The following CDC42SE2 variants were observed in gnomAD, a reference collection of about 807,000 sequenced individuals.
CDC42SE2 encodes CDC42 small effector 2, also known as CDC42 small effector protein 2.
Under a neutral mutation model 11.5 loss-of-function variants are expected in CDC42SE2, and 3 were observed. The observed-to-expected ratio is 0.26, with a 90% CI of 0.12 to 0.67. CDC42SE2 has a LOEUF of 0.67. Among genes scored for constraint, CDC42SE2 ranks in the 30% least tolerant of loss-of-function variants. The pLI, the probability that CDC42SE2 is intolerant of heterozygous loss-of-function variation, is 0.80. For missense variants in CDC42SE2, 82 were observed against 106.8 expected, an observed-to-expected ratio of 0.77 and a Z score of 1.02; for synonymous variants, 33 against 34.8, an observed-to-expected ratio of 0.95 and a Z score of 0.18.
At chr5:131,302,839 A>C (rs532330407) in intron 1 of CDC42SE2, among the ~76,000 whole-genome samples, 1 of 149,970 alleles carries the variant, frequency 6.7e-6, no homozygotes, top group South Asian at 2.1e-4. Context: ...TTTTTTTTTA[A>C]GACAAGCAGA....
intron 1 of CDC42SE2, among the ~76,000 whole-genome samples, chr5:131,270,219 C>G (rs924857996): frequency 6.6e-6 from 1 of 150,910 alleles, no homozygotes; most frequent in Non-Finnish European, 1.5e-5. Context: ...CTAAAAGATA[C>G]AAAAAATTAT....
At chr5:131,273,711 T>G (rs1440628480) in intron 1 of CDC42SE2, among the ~76,000 whole-genome samples, 24 of 149,686 alleles carry the variant, frequency 1.6e-4, no homozygotes, top group Admixed American at 1.6e-3. Context: ...AGGCGGAGCT[T>G]GCAGTGAGCC....
chr5:131,379,878 G>T (rs1170669362), intron 3 of CDC42SE2, among the ~76,000 whole-genome samples: 2 of 152,006 alleles, frequency 1.3e-5, no homozygotes, highest in African/African-American at 4.8e-5. Context: ...CTTTGCGGAG[G>T]TCTGACTCTG....
At chr5:131,327,715 G>A (rs545280822) in intron 2 of CDC42SE2, among the ~76,000 whole-genome samples, 9 of 152,124 alleles carry the variant, frequency 5.9e-5, no homozygotes, top group South Asian at 2.1e-4. Flanking sequence ...GGCTACTTAC[G>A]GATTTTATTC....
At chr5:131,360,710 T>C (rs934964520) in intron 3 of CDC42SE2, among the ~76,000 whole-genome samples, 10 of 152,156 alleles carry the variant, frequency 6.6e-5, no homozygotes, top group Admixed American at 5.9e-4. Context: ...AACAAATGAA[T>C]TGATATTTTA....
rs183358208 is a variant in CDC42SE2, at chr5:131,318,547, C to T, written c.-286+2403C>T. ...AACATAGTTATTGAATTCCTGGCAG[C>T]TATCTTTTGACCATGAAAGGAAATT... On this transcript the variant is annotated intron_variant, in intron 2 of 4. Transcript: ENST00000505065. Among the ~76,000 whole-genome samples, 8 of 152,238 alleles carry T rather than the reference C, an allele frequency of 5.3e-5. 1 individual carries two copies. Among genetic ancestry groups the T allele is most frequent in the Admixed American group, 5.2e-4 (8 of 15,290 alleles).
At chr5:131,347,775 G>A (rs1024802292) in intron 2 of CDC42SE2, among the ~76,000 whole-genome samples, 3 of 152,140 alleles carry the variant, frequency 2.0e-5, no homozygotes, top group Non-Finnish European at 4.4e-5. Flanking sequence ...ACCAAATCCA[G>A]CAGCACCTCA....
At chr5:131,230,576 C>A in the CDC42SE2 span, among the ~76,000 whole-genome samples, 1 of 152,180 alleles carries the variant, frequency 6.6e-6, no homozygotes, top group Non-Finnish European at 1.5e-5. Context: ...CCCTTTGCCA[C>A]CTTTTAAATC....
intron 1 of CDC42SE2, among the ~76,000 whole-genome samples, chr5:131,296,195 C>T (rs1757568745): frequency 6.6e-6 from 1 of 152,106 alleles, no homozygotes; most frequent in Non-Finnish European, 1.5e-5. Context: ...GAGCTGGAGA[C>T]CATGTAGACA....
intron 2 of CDC42SE2, among the ~76,000 whole-genome samples, chr5:131,258,222 T>TA (rs1362393627): frequency 6.6e-6 from 1 of 152,156 alleles, no homozygotes; most frequent in East Asian, 1.9e-4. Flanking sequence ...CCCTTTCTCT[T>TA]TATTGTTTTT....
At chr5:131,308,686 T>C (rs1757831272) in intron 1 of CDC42SE2, among the ~76,000 whole-genome samples, 1 of 147,040 alleles carries the variant, frequency 6.8e-6, no homozygotes. Flanking sequence ...GATTCCTAGG[T>C]ATTTTATTCT....
At chr5:131,211,192 C>A in the CDC42SE2 span, among the ~76,000 whole-genome samples, 1 of 152,200 alleles carries the variant, frequency 6.6e-6, no homozygotes, top group African/African-American at 2.4e-5. Context: ...GTGCTTCATT[C>A]TGGTTAATTT....
chr5:131,376,093 G>C (rs1256587643), intron 3 of CDC42SE2, among the ~76,000 whole-genome samples: 1 of 152,088 alleles, frequency 6.6e-6, no homozygotes, highest in Non-Finnish European at 1.5e-5. Flanking sequence ...CAAAAAATTA[G>C]ATGGGCATGG....
chr5:131,273,217 G>T (rs1478512287), intron 1 of CDC42SE2, among the ~76,000 whole-genome samples: 1 of 147,120 alleles, frequency 6.8e-6, no homozygotes, highest in Non-Finnish European at 1.5e-5. Flanking sequence ...GTGCAGTGGC[G>T]TGATCTTGGC....
At chr5:131,233,396 T>A in the CDC42SE2 span, among the ~76,000 whole-genome samples, 90 of 152,114 alleles carry the variant, frequency 5.9e-4, no homozygotes, top group Middle Eastern at 3.4e-3. Flanking sequence ...TTGGGACAGA[T>A]TCTCACTGTC....
chr5:131,378,148 T>A (rs898217346), intron 3 of CDC42SE2, among the ~76,000 whole-genome samples: 3 of 152,196 alleles, frequency 2.0e-5, no homozygotes. Flanking sequence ...CAACTCGGAA[T>A]GTTTATGTTT....
intron 3 of CDC42SE2, among the ~76,000 whole-genome samples, chr5:131,360,714 TA>T (rs1459825120): frequency 2.6e-5 from 4 of 152,210 alleles, no homozygotes; most frequent in Non-Finnish European, 4.4e-5. Flanking sequence ...AATGAATTGA[TA>T]TTTTATTTAT....
rs982609368 is a variant in CDC42SE2, at chr5:131,304,442, T to C, written c.-454-11534T>C. On this transcript the variant is annotated intron_variant, in intron 1 of 4. Coordinates refer to ENST00000505065, the MANE Select transcript of CDC42SE2 (RefSeq NM_001375635.1). ...GCTTAGCAGTTAGATTGGATCTGTT[T>C]TCATGACTTTTTCATGAATTCTAAG... Among the ~76,000 whole-genome samples, 4 of 152,214 alleles carry C rather than the reference T, an allele frequency of 2.6e-5. No individual in the cohort carries two copies. The East Asian group carries it at 7.7e-4, about 29-fold the overall frequency.
At chr5:131,228,551 G>A in the CDC42SE2 span, among the ~76,000 whole-genome samples, 1 of 152,184 alleles carries the variant, frequency 6.6e-6, no homozygotes, top group Non-Finnish European at 1.5e-5. Context: ...AAAGACACAT[G>A]ACTCTAAAAG....
Sources: gnomAD v4.1 joint callset for allele counts (sites outside exome capture counted in the v4.1 genomes callset) on GRCh38, gnomAD v4.1.1 for gene constraint, MANE v1.5 for transcripts, NCBI Gene and HGNC (gene_info 2026-07-23, HGNC 2026-07-21) for gene names.